The following CYB5A variants were observed in gnomAD, a reference collection of about 807,000 sequenced individuals.
CYB5A encodes cytochrome b5 type A.
Under a neutral mutation model 16.2 loss-of-function variants are expected in CYB5A, and 10 were observed. The observed-to-expected ratio is 0.62, with a 90% CI of 0.38 to 1.04. The LOEUF (loss-of-function observed/expected upper bound fraction) is 1.04. CYB5A is among the 50% of genes least tolerant of loss of function. The pLI, the probability that CYB5A is intolerant of heterozygous loss-of-function variation, is 0.01. For missense variants in CYB5A, 161 were observed against 165.9 expected, an observed-to-expected ratio of 0.97 and a Z score of 0.16; for synonymous variants, 62 against 57.0, an observed-to-expected ratio of 1.09 and a Z score of -0.40.
chr18:74,291,154 G>A (rs2145093152), intron 1 of CYB5A: 1 of 187,390 alleles, frequency 5.3e-6, no homozygotes, highest in South Asian at 1.1e-4. Flanking sequence ...GGTCCCCTCC[G>A]GCGGGATCCG....
intron 1 of CYB5A, among the ~76,000 whole-genome samples, chr18:74,270,449 G>C (rs4892191): frequency 0.13 from 19,718 of 151,992 alleles, 1,465 homozygotes; most frequent in Admixed American, 0.2. Context: ...ATGAAAGCAG[G>C]CTGCCTGTGT....
rs548210641 is a variant in CYB5A, at chr18:74,266,469, G to A, written c.130-2992C>T. On this transcript the variant is annotated intron_variant, in intron 1 of 4. Transcript: ENST00000340533. ...CAGCCGATGTTCAAAGGACGACTTCGAGTGAGGTTAAAAACATGGACTTGG... is the reference window on the plus strand; with the variant it reads ...CAGCCGATGTTCAAAGGACGACTTCAAGTGAGGTTAAAAACATGGACTTGG... Among the ~76,000 whole-genome samples the A allele has an allele frequency of 2.0e-4, 31 of 152,318 alleles. 1 individual carries two copies. The highest frequency in any genetic ancestry group is 5.5e-4 in the African/African-American group (23 of 41,556).
intron 1 of CYB5A, among the ~76,000 whole-genome samples, chr18:74,287,758 T>C (rs1212911191): frequency 6.6e-6 from 1 of 152,182 alleles, no homozygotes; most frequent in Admixed American, 6.5e-5. Context: ...CCCACTGACT[T>C]GAACCAAAAG....
chr18:74,259,668 T>A (rs1408161851), intron 3 of CYB5A: 1 of 152,080 alleles, frequency 6.6e-6, no homozygotes, highest in African/African-American at 2.4e-5. Context: ...GCTAAATGAC[T>A]TATACCAAAA....
chr18:74,288,497 C>G (rs899476630), intron 1 of CYB5A, among the ~76,000 whole-genome samples: 7 of 152,332 alleles, frequency 4.6e-5, no homozygotes, highest in African/African-American at 1.7e-4. Context: ...AGTTAACACA[C>G]AAAGGCTTCA....
intron 1 of CYB5A, among the ~76,000 whole-genome samples, chr18:74,288,163 T>C (rs938101246): frequency 6.6e-6 from 1 of 152,204 alleles, no homozygotes; most frequent in East Asian, 1.9e-4. Flanking sequence ...AAAACAGCTT[T>C]AGTGGCCATT....
intron 1 of CYB5A, among the ~76,000 whole-genome samples, chr18:74,275,181 T>C (rs1158897263): frequency 1.3e-5 from 2 of 152,160 alleles, no homozygotes; most frequent in Admixed American, 6.5e-5. Flanking sequence ...GGGGGTGGAA[T>C]TGTTCATTGC....
intron 1 of CYB5A, among the ~76,000 whole-genome samples, chr18:74,272,088 T>C (rs1272907172): frequency 2.0e-5 from 3 of 152,258 alleles, no homozygotes; most frequent in East Asian, 1.9e-4. Flanking sequence ...TTTGTGCTAA[T>C]AACTCTTTGC....
chr18:74,260,855 G>A (rs1199593354), intron 3 of CYB5A, 60 bp downstream of exon 3: 2 of 1,456,788 alleles, frequency 1.4e-6, no homozygotes, highest in African/African-American at 2.8e-5. Flanking sequence ...TCTGCCTTCA[G>A]TTTGACAAGT....
chr18:74,268,503 G>A (rs1451169635), intron 1 of CYB5A, among the ~76,000 whole-genome samples: 1 of 152,152 alleles, frequency 6.6e-6, no homozygotes, highest in Non-Finnish European at 1.5e-5. Context: ...GCCATGGTAA[G>A]GATCTAAGTG....
intron 1 of CYB5A, among the ~76,000 whole-genome samples, chr18:74,268,881 C>T (rs976875869): frequency 6.6e-6 from 1 of 151,750 alleles, no homozygotes; most frequent in African/African-American, 2.4e-5. Flanking sequence ...CCTAATGCCT[C>T]CCACAGGCTT....
intron 1 of CYB5A, among the ~76,000 whole-genome samples, chr18:74,267,998 C>T (rs934331959): frequency 6.6e-5 from 10 of 152,312 alleles, no homozygotes; most frequent in Non-Finnish European, 1.5e-4. Flanking sequence ...TGAGCTGACC[C>T]TAACGGTCTT....
At chr18:74,275,167 G>A (rs1156913364) in intron 1 of CYB5A, among the ~76,000 whole-genome samples, 1 of 152,182 alleles carries the variant, frequency 6.6e-6, no homozygotes. Context: ...CAGGTGAGGG[G>A]GACGGGGGTG....
intron 1 of CYB5A, among the ~76,000 whole-genome samples, chr18:74,285,233 A>G (rs568174876): frequency 2.0e-5 from 3 of 152,174 alleles, no homozygotes; most frequent in Admixed American, 2.0e-4. Flanking sequence ...CTACAACAAA[A>G]CCTGCTAGAA....
chr18:74,275,401 C>T (rs968193268), intron 1 of CYB5A, among the ~76,000 whole-genome samples: 13 of 152,108 alleles, frequency 8.5e-5, no homozygotes, highest in African/African-American at 3.1e-4. Context: ...CATCCTGCTG[C>T]CTGGAGTTGA....
At chr18:74,256,407 G>A in intron 3 of CYB5A, 1 of 191,214 alleles carries the variant, frequency 5.2e-6, no homozygotes, top group Non-Finnish European at 1.1e-5. Context: ...GTCACTGTCA[G>A]CCTAACAGCA....
chr18:74,291,695 C>T, intron 1 of CYB5A, 52 bp downstream of exon 1: 3 of 1,612,154 alleles, frequency 1.9e-6, no homozygotes, highest in South Asian at 1.1e-5. Flanking sequence ...CCAGTGAACC[C>T]CCAAACCCGG....
intron 2 of CYB5A, 24 bp from the exon 3 acceptor site, chr18:74,260,968 T>C: frequency 1.2e-6 from 2 of 1,602,302 alleles, no homozygotes; most frequent in Middle Eastern, 1.7e-4. Context: ...ATAAGGCACA[T>C]TATGGAATTT....
chr18:74,274,940 C>T (rs1243721330), intron 1 of CYB5A, among the ~76,000 whole-genome samples: 2 of 152,192 alleles, frequency 1.3e-5, no homozygotes, highest in African/African-American at 4.8e-5. Context: ...GCTGCAGCCG[C>T]CAGCTGGTCT....
Sources: allele counts gnomAD v4.1 joint callset (sites outside exome capture counted in the v4.1 genomes callset), GRCh38; gene constraint gnomAD v4.1.1; transcripts MANE v1.5; gene names NCBI Gene and HGNC (gene_info 2026-07-23, HGNC 2026-07-21).